The following ARHGEF10 variants were observed in gnomAD, a reference collection of about 807,000 sequenced individuals.
ARHGEF10 encodes the protein Rho guanine nucleotide exchange factor (GEF) 10.
In ARHGEF10, 140 loss-of-function variants were observed where a neutral mutation model predicts 147.4. That is an observed-to-expected ratio of 0.95 (90% CI 0.83 to 1.09). The LOEUF (loss-of-function observed/expected upper bound fraction) is 1.09, where lower values mean the gene tolerates loss of function less well. Ranked by LOEUF, ARHGEF10 falls within the 50% of genes least tolerant of loss-of-function variation. The probability of loss-of-function intolerance (pLI) is 0.00; values close to 1 mark genes in which losing one functional copy is unlikely to be tolerated. For synonymous variants in ARHGEF10, 902 were observed against 695.8 expected (o/e 1.30, Z -4.67); for missense variants, 2,222 against 1,752.7 (o/e 1.27, Z -4.78).
chr8:1,934,900 A>G (rs1340578871), intron 26 of ARHGEF10, among the ~76,000 whole-genome samples: 2 of 151,822 alleles, frequency 1.3e-5, no homozygotes, highest in African/African-American at 4.9e-5. Context: ...AAAAATTGGG[A>G]AAAAAATTCC....
intron 3 of ARHGEF10, among the ~76,000 whole-genome samples, chr8:1,859,649 C>T (rs933343164): frequency 7.9e-5 from 12 of 151,956 alleles, no homozygotes; most frequent in Admixed American, 5.9e-4. Flanking sequence ...TTCTCCCTGA[C>T]TTAGCTCATG....
intron 13 of ARHGEF10, 51 bp from the exon 14 acceptor site, chr8:1,896,282 A>G (rs1225133870): frequency 1.6e-6 from 2 of 1,264,198 alleles, no homozygotes; most frequent in Non-Finnish European, 1.2e-6. Flanking sequence ...ATGTTGGAAA[A>G]GGGATATCTG....
At chr8:1,827,113 G>A (rs888122025) in intron 1 of ARHGEF10, among the ~76,000 whole-genome samples, 1 of 152,196 alleles carries the variant, frequency 6.6e-6, no homozygotes, top group Non-Finnish European at 1.5e-5. Context: ...GGGAGGGGCA[G>A]GGTTACCTGT....
intron 18 of ARHGEF10, among the ~76,000 whole-genome samples, chr8:1,910,586 G>T (rs1156624303): frequency 6.6e-6 from 1 of 152,174 alleles, no homozygotes; most frequent in African/African-American, 2.4e-5. Context: ...GAGCTGTTCT[G>T]GGGGGTGGTA....
rs757353287 is a variant in ARHGEF10 at position 1,909,249 on chromosome 8, T to C, written c.1968-46T>C. The C allele has an allele frequency of 9.3e-6, 15 of 1,612,620 alleles. No homozygotes were observed. In the East Asian group the frequency reaches 3.3e-4, roughly 36 times the overall value. ...CTGAGGGATGAACATTACCATAACGTGTTCATGTAATTATTCGTAAAACAA... is the reference window on the plus strand; with the variant it reads ...CTGAGGGATGAACATTACCATAACGCGTTCATGTAATTATTCGTAAAACAA... On this transcript the variant is annotated intron_variant, in intron 17 of 28. Transcript: ENST00000349830.
chr8:1,883,518 C>A (rs1184370114), intron 10 of ARHGEF10, among the ~76,000 whole-genome samples: 1 of 152,122 alleles, frequency 6.6e-6, no homozygotes, highest in African/African-American at 2.4e-5. Flanking sequence ...TCACGTTGTC[C>A]CTCAAGGAAC....
intron 3 of ARHGEF10, among the ~76,000 whole-genome samples, chr8:1,859,408 A>G (rs868710761): frequency 4.0e-5 from 5 of 125,544 alleles, no homozygotes; most frequent in Middle Eastern, 5.2e-3. Context: ...GGTTGTTTGC[A>G]CGGTGTTTCT....
At chr8:1,896,274 G>A (rs1329219468) in intron 13 of ARHGEF10, 59 bp from the exon 14 acceptor site, 4 of 1,218,876 alleles carry the variant, frequency 3.3e-6, no homozygotes, top group Non-Finnish European at 4.9e-6. Flanking sequence ...TCTGTTTTAT[G>A]TTGGAAAAGG....
intron 10 of ARHGEF10, 50 bp downstream of exon 10, chr8:1,882,799 C>G (rs369133761): frequency 1.3e-6 from 1 of 749,612 alleles, no homozygotes; most frequent in African/African-American, 2.4e-5. Flanking sequence ...TTGGGGGGGG[C>G]GGCCACATCT....
At chr8:1,835,605 T>A (rs1334781059) in intron 1 of ARHGEF10, among the ~76,000 whole-genome samples, 2 of 152,116 alleles carry the variant, frequency 1.3e-5, no homozygotes, top group Non-Finnish European at 2.9e-5. Context: ...CGTCCCTGGG[T>A]CTTCGGCCAG....
At chr8:1,927,622 T>G (rs560784195) in intron 23 of ARHGEF10, 2 of 152,596 alleles carry the variant, frequency 1.3e-5, no homozygotes, top group South Asian at 4.1e-4. Context: ...AATGCTACTT[T>G]AGAAATTCCA....
rs1040204403 is a variant in ARHGEF10, at chr8:1,921,129, G to C, written c.2144-1835G>C. On this transcript the variant is annotated intron_variant, in intron 18 of 28. Transcript: ENST00000349830. ...CTTCATGATACTTCAAATGCAGTTA[G>C]TAATTGCATTTGTCTAGATAGTTGA... is the stretch of plus-strand genomic sequence containing the variant. 4.6e-5 allele frequency among the ~76,000 whole-genome samples: 7 copies of C among 152,120 alleles called. No individual in the cohort carries two copies. The South Asian group carries it at 1.2e-3, about 27-fold the overall frequency.
chr8:1,950,273 G>C (rs115682107), intron 27 of ARHGEF10, among the ~76,000 whole-genome samples: 2 of 152,152 alleles, frequency 1.3e-5, no homozygotes, highest in Non-Finnish European at 2.9e-5. Context: ...TGGTGCTTCC[G>C]GACGGGCACG....
In ARHGEF10 at chr8:1,909,440, A is replaced by G. The variant is rs747033933; in HGVS notation, c.2113A>G (p.Ser705Gly). The change falls in exon 18 of 29, where the codon AGC (serine) becomes GGC (glycine). Residue 705 changes from serine to glycine, a missense_variant. Transcript: ENST00000349830. Reference protein sequence around the residue: ...SRHLAVHPPESLAVVANAKPN... With the variant: ...SRHLAVHPPEGLAVVANAKPN... The stretch of plus-strand genomic sequence containing the variant: ...GCACCTTGCCGTTCACCCGCCGGAG[A>G]GCCTGGCCGTGGTTGCTAACGCGAA... 1 of 1,614,098 alleles carries G rather than the reference A, an allele frequency of 6.2e-7. No homozygotes were observed. The highest frequency in any genetic ancestry group is 8.5e-7 in the Non-Finnish European group (1 of 1,180,038).
chr8:1,882,576 TG>T, intron 9 of ARHGEF10, 58 bp from the exon 10 acceptor site: 1 of 1,370,884 alleles, frequency 7.3e-7, no homozygotes, highest in East Asian at 2.5e-5. Context: ...AACAGGCAAA[TG>T]AAAGTCGCAG....
At chr8:1,952,644 A>G (rs1815146956) in intron 27 of ARHGEF10, 61 bp from the exon 28 acceptor site, 3 of 1,605,554 alleles carry the variant, frequency 1.9e-6, no homozygotes, top group Non-Finnish European at 1.7e-6. Flanking sequence ...GCACCCCGTC[A>G]CCGCCCCACC....
At position 1,858,028 on chromosome 8, in the gene ARHGEF10, G is replaced by A. The variant is rs774578667; in HGVS notation, c.106G>A (p.Gly36Arg). ...GGGAGAACAGTTCGATTTTGACAGT[G>A]GAGATGAAATCCCAGAAGCGGACAG... The part of the protein sequence containing the change: ...EEGEQFDFDS[G>R]DEIPEADRQA... Residue 36 changes from glycine to arginine, a missense_variant, in exon 3 of 29, where the codon GGA becomes AGA. Gly to Arg is a moderately radical substitution (Grantham distance 125, BLOSUM62 -2). Coordinates refer to ENST00000349830, the MANE Select transcript of ARHGEF10 (RefSeq NM_014629.4). 1.8e-5 allele frequency: 29 copies of A among 1,614,124 alleles called. No individual in the cohort carries two copies. Among genetic ancestry groups the A allele is most frequent in the Non-Finnish European group, 2.4e-5 (28 of 1,180,004 alleles).
chr8:1,902,794 G>A (rs576213937), intron 15 of ARHGEF10, among the ~76,000 whole-genome samples: 1 of 152,310 alleles, frequency 6.6e-6, no homozygotes, highest in Non-Finnish European at 1.5e-5. Context: ...CCTAAAATCA[G>A]GTTCCTTTGT....
intron 1 of ARHGEF10, among the ~76,000 whole-genome samples, chr8:1,832,140 C>T (rs1368253828): frequency 6.6e-5 from 10 of 152,146 alleles, no homozygotes; most frequent in East Asian, 5.8e-4. Context: ...TGGTGCCTGT[C>T]GAAGGGGCAG....
Sources: gnomAD v4.1 joint callset for allele counts (sites outside exome capture counted in the v4.1 genomes callset) on GRCh38, gnomAD v4.1.1 for gene constraint, MANE v1.5 for transcripts, NCBI Gene and HGNC (gene_info 2026-07-23, HGNC 2026-07-21) for gene names.